Variants in ARHGAP5 observed in about 807,000 individuals in gnomAD.
ARHGAP5 encodes rho GTPase-activating protein 5.
ARHGAP5 carries 23 observed loss-of-function variants against 116.6 expected under a neutral mutation model. The ratio of observed to expected loss-of-function variants is 0.20; its 90% CI spans 0.14 to 0.28. The LOEUF is 0.28. Ranked by LOEUF, ARHGAP5 falls within the 10% of genes least tolerant of loss-of-function variation. The probability of loss-of-function intolerance (pLI) is 1.00; values close to 1 mark genes in which losing one functional copy is unlikely to be tolerated. For missense variants in ARHGAP5, 1,405 were observed against 1,774.8 expected, an observed-to-expected ratio of 0.79 and a Z score of 3.74; for synonymous variants, 574 against 602.0, an observed-to-expected ratio of 0.95 and a Z score of 0.68.
chr14:32,113,829 T>A (rs1045376881), intron 2 of ARHGAP5, among the ~76,000 whole-genome samples: 3 of 152,232 alleles, frequency 2.0e-5, no homozygotes, highest in African/African-American at 7.2e-5. Context: ...CTAGCTAGTT[T>A]GTTTTTCTTA....
intron 1 of ARHGAP5, chr14:32,078,236 T>A (rs1283396461): frequency 1.3e-5 from 2 of 152,232 alleles, no homozygotes; most frequent in Non-Finnish European, 2.9e-5. Flanking sequence ...TCTTCAGCGT[T>A]ATTAGAAATG....
intron 3 of ARHGAP5, among the ~76,000 whole-genome samples, chr14:32,126,227 T>G (rs1022843881): frequency 2.0e-5 from 3 of 151,932 alleles, no homozygotes; most frequent in Non-Finnish European, 4.4e-5. Flanking sequence ...TGTGGGTTTT[T>G]TTTGTTTGTT....
chr14:32,140,589 C>T (rs1881075428), intron 3 of ARHGAP5, among the ~76,000 whole-genome samples: 2 of 151,312 alleles, frequency 1.3e-5, no homozygotes, highest in South Asian at 2.1e-4. Flanking sequence ...GACTCTGTCT[C>T]AAAAAAAGAA....
Position 32,154,989 on chromosome 14 carries a change from C to G in ARHGAP5, c.*41C>G, listed in dbSNP as rs1881830744. 1.3e-6 allele frequency: 2 copies of G among 1,533,218 alleles called. No individual in the cohort carries two copies. The highest frequency in any genetic ancestry group is 3.5e-5 in the Admixed American group (2 of 56,854). The allele number at this position is 1,533,218 out of a possible 1,614,324, so 95.0% of individuals were successfully genotyped here. On this transcript the variant is annotated 3_prime_UTR_variant, in exon 7 of 7. Coordinates refer to ENST00000345122, the MANE Select transcript of ARHGAP5 (RefSeq NM_001030055.2). Reference sequence around the variant, plus strand: ...AAACAGGCTGGATTTGGACAAAAAGCAAATCTAGACATGCATGTTTCAGGG... The same window carrying G: ...AAACAGGCTGGATTTGGACAAAAAGGAAATCTAGACATGCATGTTTCAGGG...
Position 32,098,686 on chromosome 14 carries a change from A to C in ARHGAP5, c.3717+4300A>C, listed in dbSNP as rs116054626. On this transcript the variant is annotated intron_variant, in intron 2 of 6. Transcript: ENST00000345122. ...TATACTATGAAAGCAGCCATAGACC[A>C]TATGTAAACCGATGAACATAGCCGT... 5.7e-3 allele frequency among the ~76,000 whole-genome samples: 875 copies of C among 152,336 alleles called. 8 individuals carry two copies. The highest frequency in any genetic ancestry group is 0.02 in the African/African-American group (827 of 41,580).
At chr14:32,130,470 C>A (rs540090961) in intron 3 of ARHGAP5, among the ~76,000 whole-genome samples, 48 of 151,656 alleles carry the variant, frequency 3.2e-4, no homozygotes, top group African/African-American at 1.1e-3. Flanking sequence ...CATCCTTCCA[C>A]CTCGGCCTCC....
intron 2 of ARHGAP5, among the ~76,000 whole-genome samples, chr14:32,108,689 A>G (rs1334729508): frequency 6.6e-6 from 1 of 152,104 alleles, no homozygotes; most frequent in Non-Finnish European, 1.5e-5. Flanking sequence ...GAGACAGTAT[A>G]AAGGGACCAG....
chr14:32,130,292 A>G (rs1018663295), intron 3 of ARHGAP5, among the ~76,000 whole-genome samples: 2 of 143,608 alleles, frequency 1.4e-5, no homozygotes, highest in African/African-American at 5.2e-5. Flanking sequence ...GCTCACTGCA[A>G]CCTCTACCGC....
intron 3 of ARHGAP5, among the ~76,000 whole-genome samples, chr14:32,133,794 G>A (rs569059603): frequency 6.6e-5 from 10 of 152,062 alleles, no homozygotes; most frequent in Non-Finnish European, 7.4e-5. Flanking sequence ...TAGCATGAAG[G>A]GTTTTTGAAT....
At chr14:32,078,210 T>C (rs1011234540) in intron 1 of ARHGAP5, 4 of 152,184 alleles carry the variant, frequency 2.6e-5, no homozygotes, top group African/African-American at 9.7e-5. Flanking sequence ...ACAGAAATAC[T>C]CCCTCTCACC....
rs1317296323 is a variant in ARHGAP5 at position 32,092,541 on chromosome 14, C to G, written c.1872C>G (p.Ala624=). 1.9e-6 allele frequency: 3 copies of G among 1,613,582 alleles called. No homozygotes were observed. In the South Asian group the frequency reaches 3.3e-5, roughly 18 times the overall value. Residue 624 remains alanine (A), a synonymous_variant, in exon 2 of 7, where the codon GCC becomes GCG. Coordinates refer to ENST00000345122, the MANE Select transcript of ARHGAP5 (RefSeq NM_001030055.2). This position sits in a 1 kb window ranked among gnomAD's most constrained non-coding sequence, Gnocchi z 4.1. The part of the protein sequence containing the change: ...IRTQSTDDEY[A]LDGKIYELDL... The stretch of plus-strand genomic sequence containing the variant: ...CACAATCCACTGATGATGAGTATGC[C>G]TTAGATGGAAAAATTTATGAACTTG...
intron 2 of ARHGAP5, among the ~76,000 whole-genome samples, chr14:32,113,299 A>C (rs746522379): frequency 1.3e-5 from 2 of 152,192 alleles, no homozygotes; most frequent in African/African-American, 4.8e-5. Context: ...GGAGTGTCTA[A>C]TCCAAAACTT....
chr14:32,096,752 T>C (rs113971688), intron 2 of ARHGAP5, among the ~76,000 whole-genome samples: 5 of 152,346 alleles, frequency 3.3e-5, no homozygotes, highest in African/African-American at 1.2e-4. Flanking sequence ...TTACATAAAT[T>C]GTTTCAGAGA....
rs1395875712 is a variant in ARHGAP5, at chr14:32,154,609, T to C, written c.4182-12T>C. Reference sequence around the variant, plus strand: ...TTTGATTTCTAAATGTTTTTTCCTTTCATAATTTCAGGGTTAGTCAGCAAC... The same window carrying C: ...TTTGATTTCTAAATGTTTTTTCCTTCCATAATTTCAGGGTTAGTCAGCAAC... On this transcript the variant is annotated splice_polypyrimidine_tract_variant and intron_variant, in intron 6 of 6. Coordinates refer to ENST00000345122, the MANE Select transcript of ARHGAP5 (RefSeq NM_001030055.2). 6.3e-7 allele frequency: 1 copy of C among 1,575,606 alleles called. No homozygotes were observed. The highest frequency in any genetic ancestry group is 8.6e-7 in the Non-Finnish European group (1 of 1,158,198).
In ARHGAP5 at chr14:32,113,999, C is replaced by T. The variant is rs576698780; in HGVS notation, c.3718-3141C>T. On this transcript the variant is annotated intron_variant, in intron 2 of 6. Transcript: ENST00000345122. ...ATCCCAGCACTTTGGGAGGCCGAGG[C>T]GGGCAGATCACGAGGTCAGGAGATC... Among the ~76,000 whole-genome samples the T allele has an allele frequency of 1.5e-3, 234 of 152,174 alleles. 1 individual carries two copies. Among genetic ancestry groups the T allele is most frequent in the African/African-American group, 5.4e-3 (224 of 41,516 alleles).
At chr14:32,130,732 C>A (rs919422307) in intron 3 of ARHGAP5, among the ~76,000 whole-genome samples, 2 of 150,932 alleles carry the variant, frequency 1.3e-5, no homozygotes, top group African/African-American at 4.9e-5. Flanking sequence ...GGGATTTCAC[C>A]ATATTGGCCA....
At chr14:32,152,620 A>G in intron 6 of ARHGAP5, 92 bp downstream of exon 6, 1 of 657,324 alleles carries the variant, frequency 1.5e-6, no homozygotes, top group Non-Finnish European at 2.5e-6. Flanking sequence ...TATCAGATAG[A>G]AAAGGGGACT....
At chr14:32,096,141 G>T (rs117079954) in intron 2 of ARHGAP5, among the ~76,000 whole-genome samples, 4 of 143,508 alleles carry the variant, frequency 2.8e-5, no homozygotes, top group Non-Finnish European at 4.6e-5. Context: ...CTATTGGTTT[G>T]TTTTTTTTTT....
In ARHGAP5 at chr14:32,127,784, C is replaced by T. The variant is rs183334733; in HGVS notation, c.3865+10497C>T. 8.3e-3 allele frequency among the ~76,000 whole-genome samples: 1,238 copies of T among 148,596 alleles called. 16 individuals carry two copies. The highest frequency in any genetic ancestry group is 0.028 in the African/African-American group (1,137 of 40,108). ...GGGCCTCCCCACCCCCGAGACAGGG[C>T]GGCTGGAGGCGCCCCCCACCTCCCA... On this transcript the variant is annotated intron_variant, in intron 3 of 6. Coordinates refer to ENST00000345122, the MANE Select transcript of ARHGAP5 (RefSeq NM_001030055.2).
Sources: gnomAD v4.1 joint callset for allele counts (sites outside exome capture counted in the v4.1 genomes callset) on GRCh38, gnomAD v4.1.1 for gene constraint, Gnocchi (gnomAD v3.1) non-coding constraint, MANE v1.5 for transcripts, NCBI Gene and HGNC (gene_info 2026-07-23, HGNC 2026-07-21) for gene names.